The following UNC13C variants were observed in gnomAD, a reference collection of about 807,000 sequenced individuals.
UNC13C encodes protein unc-13 homolog C.
Under a neutral mutation model 245.4 loss-of-function variants are expected in UNC13C, and 174 were observed. The observed-to-expected ratio is 0.71, with a 90% CI of 0.63 to 0.80. UNC13C has a LOEUF of 0.80. Ranked by LOEUF, UNC13C falls within the 30% of genes least tolerant of loss-of-function variation. The probability of loss-of-function intolerance (pLI) is 0.00; values close to 1 mark genes in which losing one functional copy is unlikely to be tolerated. For missense variants in UNC13C, 2,829 were observed against 2,602.9 expected, an observed-to-expected ratio of 1.09 and a Z score of -1.89; for synonymous variants, 992 against 895.1, an observed-to-expected ratio of 1.11 and a Z score of -1.93.
chr15:54,040,807 G>A (rs1275253407), intron 2 of UNC13C, among the ~76,000 whole-genome samples: 1 of 152,200 alleles, frequency 6.6e-6, no homozygotes, highest in Non-Finnish European at 1.5e-5. Context: ...TGCTGTAGCT[G>A]TTCTCTCAGC....
At chr15:54,046,052 G>A (rs975161163) in intron 2 of UNC13C, among the ~76,000 whole-genome samples, 2 of 151,884 alleles carry the variant, frequency 1.3e-5, no homozygotes, top group African/African-American at 2.4e-5. Flanking sequence ...CAAGTTTGCT[G>A]TTTTTTTAAC....
At chr15:53,873,084 T>C in the UNC13C span, among the ~76,000 whole-genome samples, 1 of 152,090 alleles carries the variant, frequency 6.6e-6, no homozygotes, top group Non-Finnish European at 1.5e-5. Flanking sequence ...TCCTTTCTTC[T>C]CCTGGCTATA....
Position 54,143,621 on chromosome 15 carries a change from C to T in UNC13C, c.3008C>T (p.Ala1003Val). ...AGDSSSVDEK[A>V]RIVSGNDLDA... is the part of the protein sequence containing the mutation. Reference sequence around the variant, plus strand: ...TTTTTCTCTTACTCTTCATTTAAGGCTCGAATAGTAAGTGGCAATGATTTG... The same window carrying T: ...TTTTTCTCTTACTCTTCATTTAAGGTTCGAATAGTAAGTGGCAATGATTTG... The change falls in exon 4 of 33, where the codon GCT becomes GTT. Residue 1003 changes from alanine to valine, a missense_variant and splice_region_variant. Coordinates refer to ENST00000260323, the MANE Select transcript of UNC13C (RefSeq NM_001080534.3). 6.2e-7 allele frequency: 1 copy of T among 1,612,810 alleles called. No individual in the cohort carries two copies. Among genetic ancestry groups the T allele is most frequent in the Admixed American group, 1.7e-5 (1 of 59,964 alleles).
At chr15:53,963,204 T>C in the UNC13C span, among the ~76,000 whole-genome samples, 7,143 of 152,238 alleles carry the variant, frequency 0.047, 272 homozygotes, top group African/African-American at 0.1. Context: ...TCTCCCCCAC[T>C]TACACTCACA....
intron 19 of UNC13C, among the ~76,000 whole-genome samples, chr15:54,452,544 G>A (rs972381899): frequency 6.6e-6 from 1 of 152,200 alleles, no homozygotes; most frequent in African/African-American, 2.4e-5. Flanking sequence ...GGATAGGGCA[G>A]GACAATCCCA....
chr15:54,355,762 A>T (rs28707033), intron 17 of UNC13C, among the ~76,000 whole-genome samples: 71,119 of 151,838 alleles, frequency 0.47, 17,019 homozygotes, highest in East Asian at 0.74. Flanking sequence ...AGTAAAAATT[A>T]TCCTTCTCAT....
At chr15:54,074,028 TTC>T (rs1898464168) in intron 2 of UNC13C, among the ~76,000 whole-genome samples, 1 of 152,258 alleles carries the variant, frequency 6.6e-6, no homozygotes. Flanking sequence ...CATTTAAGTC[TTC>T]AATCCATCTT....
At position 54,293,305 on chromosome 15, in the gene UNC13C, C is replaced by A. The variant is rs145985249; in HGVS notation, c.3819-590C>A. On this transcript the variant is annotated intron_variant, in intron 10 of 32. Transcript: ENST00000260323. ...TGTGTAGGCAATACTAAGTAGCTTG[C>A]CTCAACAAAAGAGGGTGAAGAAAAC... Among the ~76,000 whole-genome samples, 345 of 151,990 alleles carry A rather than the reference C, an allele frequency of 2.3e-3. 2 individuals carry two copies. The highest frequency in any genetic ancestry group is 7.7e-3 in the African/African-American group (318 of 41,526).
the UNC13C span, among the ~76,000 whole-genome samples, chr15:53,882,152 C>G: frequency 6.6e-6 from 1 of 152,152 alleles, no homozygotes; most frequent in East Asian, 1.9e-4. Flanking sequence ...AATATGGAAT[C>G]TAGCTTTTAT....
At chr15:54,102,833 A>G (rs1327752018) in intron 2 of UNC13C, among the ~76,000 whole-genome samples, 1 of 152,192 alleles carries the variant, frequency 6.6e-6, no homozygotes, top group Non-Finnish European at 1.5e-5. Context: ...GGGGATAAAA[A>G]GAAGAACATT....
At chr15:54,290,738 G>A (rs2037274843) in intron 10 of UNC13C, among the ~76,000 whole-genome samples, 1 of 151,974 alleles carries the variant, frequency 6.6e-6, no homozygotes, top group Non-Finnish European at 1.5e-5. Flanking sequence ...AAAACTAGAA[G>A]CTCAAAAAAA....
chr15:54,167,154 C>T (rs1041683734), intron 4 of UNC13C, among the ~76,000 whole-genome samples: 2 of 152,026 alleles, frequency 1.3e-5, no homozygotes, highest in African/African-American at 4.8e-5. Flanking sequence ...TAGAAATACA[C>T]CCACATAAAT....
At chr15:54,123,499 T>C (rs1290374625) in intron 2 of UNC13C, among the ~76,000 whole-genome samples, 1 of 152,056 alleles carries the variant, frequency 6.6e-6, no homozygotes, top group African/African-American at 2.4e-5. Context: ...AGCATAACTT[T>C]AAATCTTGAT....
chr15:54,294,117 C>T, intron 11 of UNC13C, 53 bp downstream of exon 11: 1 of 1,415,102 alleles, frequency 7.1e-7, no homozygotes, highest in Non-Finnish European at 9.3e-7. Context: ...CCCCTGAATA[C>T]CTGTGGCATG....
At chr15:53,951,517 C>T in the UNC13C span, among the ~76,000 whole-genome samples, 33 of 152,134 alleles carry the variant, frequency 2.2e-4, no homozygotes, top group Admixed American at 3.3e-4. Flanking sequence ...CTGGTGTAAA[C>T]GGTAAATCAC....
chr15:54,261,836 C>T (rs186604585), intron 8 of UNC13C, among the ~76,000 whole-genome samples: 2 of 152,260 alleles, frequency 1.3e-5, no homozygotes, highest in Admixed American at 1.3e-4. Context: ...AGCCACCGCG[C>T]CCGGCCATAA....
At chr15:54,336,601 T>A (rs1184642497) in intron 16 of UNC13C, among the ~76,000 whole-genome samples, 2 of 152,092 alleles carry the variant, frequency 1.3e-5, no homozygotes, top group Admixed American at 1.3e-4. Flanking sequence ...TTTGGGCATA[T>A]TTTTTATTTA....
rs1205977456 is a variant in UNC13C at position 54,532,246 on chromosome 15, G to T, written c.5547-671G>T. Among the ~76,000 whole-genome samples, 3 of 152,092 alleles carry T rather than the reference G, an allele frequency of 2.0e-5. No individual in the cohort carries two copies. The East Asian group carries it at 5.8e-4, about 29-fold the overall frequency. ...CGTGTCCATGCGTTCTCATCATTTA[G>T]CTCCATTGTGGAAGACAGTGTGGCA... On this transcript the variant is annotated intron_variant, in intron 25 of 32. Transcript: ENST00000260323.
the UNC13C span, among the ~76,000 whole-genome samples, chr15:53,934,976 G>T: frequency 2.0e-5 from 3 of 152,130 alleles, no homozygotes; most frequent in African/African-American, 7.2e-5. Context: ...GGGACATAAA[G>T]ATTCATTCCC....
Sources: gnomAD v4.1 joint callset for allele counts (sites outside exome capture counted in the v4.1 genomes callset) on GRCh38, gnomAD v4.1.1 for gene constraint, MANE v1.5 for transcripts, NCBI Gene and HGNC (gene_info 2026-07-23, HGNC 2026-07-21) for gene names.